CADPS: variants seen among roughly 807,000 people sequenced by gnomAD.
The protein encoded by CADPS is calcium dependent secretion activator, also known as calcium-dependent secretion activator 1.
Under a neutral mutation model 167.3 loss-of-function variants are expected in CADPS, and 57 were observed. The observed-to-expected ratio is 0.34, with a 90% CI of 0.28 to 0.42. The LOEUF (loss-of-function observed/expected upper bound fraction) is 0.42, where lower values mean the gene tolerates loss of function less well. Among genes scored for constraint, CADPS ranks in the 20% least tolerant of loss-of-function variants. CADPS has a pLI of 1.00. For missense variants in CADPS, 1,414 were observed against 1,738.1 expected (o/e 0.81, Z 3.32); for synonymous variants, 676 against 635.3 (o/e 1.06, Z -0.96).
At chr3:62,719,030 C>T (rs985020287) in intron 3 of CADPS, among the ~76,000 whole-genome samples, 3 of 152,186 alleles carry the variant, frequency 2.0e-5, no homozygotes, top group Admixed American at 1.3e-4. Flanking sequence ...ACAGGGACTC[C>T]TTTGTGCATT....
intron 1 of CADPS, among the ~76,000 whole-genome samples, chr3:62,813,722 C>T (rs1404656331): frequency 6.6e-6 from 1 of 152,026 alleles, no homozygotes; most frequent in African/African-American, 2.4e-5. Context: ...AAAGGTCTAA[C>T]GTCCAGAATC....
At position 62,448,485 on chromosome 3, in the gene CADPS, T is replaced by C. The variant is rs139554485; in HGVS notation, c.3637-2688A>G. On this transcript the variant is annotated intron_variant, in intron 26 of 29. Coordinates refer to ENST00000383710, the MANE Select transcript of CADPS (RefSeq NM_003716.4). ...TAGGATTGTTCTTTTATTTAATAAA[T>C]GATGACTTGCACTTAGTCTTATTGA... 2.5e-3 allele frequency among the ~76,000 whole-genome samples: 388 copies of C among 152,298 alleles called. 1 individual carries two copies. The highest frequency in any genetic ancestry group is 4.3e-3 in the Non-Finnish European group (294 of 68,032).
At chr3:62,662,779 A>T (rs1314004840) in intron 3 of CADPS, among the ~76,000 whole-genome samples, 1 of 152,206 alleles carries the variant, frequency 6.6e-6, no homozygotes, top group Non-Finnish European at 1.5e-5. Flanking sequence ...GAGCAGACAT[A>T]GTGCATATCC....
intron 1 of CADPS, among the ~76,000 whole-genome samples, chr3:62,817,237 C>T (rs902958951): frequency 6.6e-6 from 1 of 152,286 alleles, no homozygotes; most frequent in African/African-American, 2.4e-5. Context: ...CTCTGGCTAA[C>T]TTCAGAACCT....
At chr3:62,400,642 C>T (rs1260627734) in intron 29 of CADPS, among the ~76,000 whole-genome samples, 1 of 148,530 alleles carries the variant, frequency 6.7e-6, no homozygotes, top group African/African-American at 2.5e-5. Flanking sequence ...CTCTGTCACC[C>T]AGGCTGGAGT....
chr3:62,665,613 G>A (rs933228874), intron 3 of CADPS, among the ~76,000 whole-genome samples: 2 of 152,146 alleles, frequency 1.3e-5, no homozygotes, highest in Non-Finnish European at 2.9e-5. Flanking sequence ...TTGTAGACAC[G>A]GGCCAGTTTG....
chr3:62,398,468 C>A lies in CADPS; in HGVS notation c.*938G>T, dbSNP rs1287514228. 6.6e-6 allele frequency: 1 copy of A among 152,604 alleles called. No homozygotes were observed. 9.5% of individuals were successfully genotyped at this position (152,604 alleles called of 1,614,324 possible). A position where few individuals can be genotyped will look rare whatever the true frequency, so the allele number is the denominator to read the frequency against. On this transcript the variant is annotated 3_prime_UTR_variant, in exon 30 of 30. Transcript: ENST00000383710. ...CTACTTTACATGGAAAGAAATAGCT[C>A]TGCAGCAAACCCCAGGGTTGTGCAG...
chr3:62,600,789 A>G (rs893474759), intron 6 of CADPS, among the ~76,000 whole-genome samples: 12 of 152,218 alleles, frequency 7.9e-5, no homozygotes, highest in African/African-American at 2.9e-4. Context: ...CAGCTTTCAC[A>G]TCTATAAATT....
At chr3:62,403,352 A>C (rs1384818267) in intron 28 of CADPS, 167 bp from the exon 29 acceptor site, 2 of 559,420 alleles carry the variant, frequency 3.6e-6, no homozygotes, top group African/African-American at 3.8e-5. Flanking sequence ...GTTTATACAA[A>C]ATTGCAAGGT....
At chr3:62,561,406 C>T (rs2079126981) in intron 9 of CADPS, among the ~76,000 whole-genome samples, 1 of 151,844 alleles carries the variant, frequency 6.6e-6, no homozygotes, top group Non-Finnish European at 1.5e-5. Context: ...GCATGTACCA[C>T]CATGCCTGGC....
chr3:62,568,514 T>G (rs1294502811), intron 9 of CADPS, among the ~76,000 whole-genome samples: 1 of 152,204 alleles, frequency 6.6e-6, no homozygotes, highest in Non-Finnish European at 1.5e-5. Flanking sequence ...TCTTTGGCCT[T>G]TATACACTGG....
intron 1 of CADPS, among the ~76,000 whole-genome samples, chr3:62,785,417 T>A (rs1278980268): frequency 6.6e-6 from 1 of 152,234 alleles, no homozygotes; most frequent in African/African-American, 2.4e-5. Flanking sequence ...GCTTTTTGAA[T>A]GTCATACACC....
At chr3:62,521,496 G>C (rs1051668457) in intron 13 of CADPS, among the ~76,000 whole-genome samples, 1 of 152,118 alleles carries the variant, frequency 6.6e-6, no homozygotes, top group African/African-American at 2.4e-5. Context: ...AAATATTTGG[G>C]GGTGATTCTA....
At position 62,874,505 on chromosome 3, in the gene CADPS, A is replaced by C. The variant is rs2083292000; in HGVS notation, c.441+84T>G. The C allele has an allele frequency of 5.6e-6, 6 of 1,079,258 alleles. No homozygotes were observed. The South Asian group carries it at 8.9e-5, about 16-fold the overall frequency. The allele number at this position is 1,079,258 out of a possible 1,614,324, so 66.9% of individuals were successfully genotyped here. On this transcript the variant is annotated intron_variant, in intron 1 of 29. Transcript: ENST00000383710. This position sits in a 1 kb window ranked among gnomAD's most constrained non-coding sequence, Gnocchi z 7.1. The stretch of plus-strand genomic sequence containing the variant: ...TCCACCTCTCCTGCTCCTCCTCGCC[A>C]GCTGCGCCGCCAGCTCCCATTGTTC...
chr3:62,621,165 T>C (rs1184327514), intron 6 of CADPS, among the ~76,000 whole-genome samples: 1 of 152,174 alleles, frequency 6.6e-6, no homozygotes, highest in African/African-American at 2.4e-5. Context: ...GCACCGCAGA[T>C]TGCTCTGTGA....
chr3:62,728,968 T>A (rs1209153429), intron 3 of CADPS, among the ~76,000 whole-genome samples: 2 of 151,870 alleles, frequency 1.3e-5, no homozygotes, highest in Non-Finnish European at 2.9e-5. Flanking sequence ...TCACAACTTT[T>A]CTCATCTATA....
chr3:62,729,673 T>A (rs2077394518), intron 3 of CADPS, among the ~76,000 whole-genome samples: 1 of 151,962 alleles, frequency 6.6e-6, no homozygotes, highest in African/African-American at 2.4e-5. Flanking sequence ...TGATACATAA[T>A]AAGCATAATC....
intron 4 of CADPS, among the ~76,000 whole-genome samples, chr3:62,651,314 G>C (rs992506696): frequency 6.6e-6 from 1 of 152,136 alleles, no homozygotes; most frequent in African/African-American, 2.4e-5. Context: ...CATATAGTAA[G>C]AAACATTGAA....
chr3:62,784,716 A>G (rs2092220652), intron 1 of CADPS, among the ~76,000 whole-genome samples: 1 of 151,124 alleles, frequency 6.6e-6, no homozygotes, highest in South Asian at 2.1e-4. Flanking sequence ...GAAACTCTCC[A>G]AGAAAAATGA....
Sources: allele counts gnomAD v4.1 joint callset (sites outside exome capture counted in the v4.1 genomes callset), GRCh38; gene constraint gnomAD v4.1.1; non-coding constraint Gnocchi (gnomAD v3.1); transcripts MANE v1.5; gene names NCBI Gene and HGNC (gene_info 2026-07-23, HGNC 2026-07-21).